The following CSMD2 variants were observed in gnomAD, a reference collection of about 807,000 sequenced individuals.
CSMD2 encodes CUB and sushi domain-containing protein 2.
A neutral mutation model predicts 398.5 loss-of-function variants in CSMD2; 130 were observed. The observed-to-expected ratio is 0.33, with a 90% CI of 0.28 to 0.38. The LOEUF (loss-of-function observed/expected upper bound fraction) is 0.38. CSMD2 is among the 10% of genes least tolerant of loss of function. CSMD2 has a pLI of 1.00. For missense variants in CSMD2, 3,829 were observed against 4,764.9 expected (o/e 0.80, Z 5.78); for synonymous variants, 1,828 against 1,908.5 (o/e 0.96, Z 1.10).
At chr1:34,128,030 T>C (rs1662923192) in intron 1 of CSMD2, among the ~76,000 whole-genome samples, 1 of 152,114 alleles carries the variant, frequency 6.6e-6, no homozygotes, top group East Asian at 1.9e-4. Flanking sequence ...CAGTTCTTGA[T>C]TTCTTCCTTG....
chr1:33,671,649 G>C (rs565406358), intron 25 of CSMD2, among the ~76,000 whole-genome samples: 1 of 152,060 alleles, frequency 6.6e-6, no homozygotes, highest in African/African-American at 2.4e-5. Flanking sequence ...CCTCACTCCC[G>C]TACCTCTTCC....
chr1:33,947,181 C>T (rs1570594452), intron 3 of CSMD2, among the ~76,000 whole-genome samples: 1 of 152,190 alleles, frequency 6.6e-6, no homozygotes, highest in East Asian at 1.9e-4. Flanking sequence ...ATTGGTGAGG[C>T]TGCACACCTG....
intron 42 of CSMD2, 39 bp from the exon 43 acceptor site, chr1:33,602,585 G>T: frequency 1.3e-6 from 2 of 1,488,752 alleles, no homozygotes; most frequent in South Asian, 1.4e-5. Flanking sequence ...GCAGGGCCTC[G>T]GTACCCACCT....
intron 32 of CSMD2, among the ~76,000 whole-genome samples, chr1:33,631,112 A>T (rs1428309297): frequency 6.6e-6 from 1 of 152,102 alleles, no homozygotes; most frequent in Non-Finnish European, 1.5e-5. Flanking sequence ...TTGCAGCAAT[A>T]AAAATTAAAA....
At chr1:33,950,024 C>G (rs1444858982) in intron 3 of CSMD2, among the ~76,000 whole-genome samples, 1 of 152,144 alleles carries the variant, frequency 6.6e-6, no homozygotes, top group Non-Finnish European at 1.5e-5. Context: ...AAGCTGAGAC[C>G]TCATCTGGTC....
chr1:34,010,366 G>A (rs7549697), intron 3 of CSMD2, among the ~76,000 whole-genome samples: 23,701 of 152,084 alleles, frequency 0.16, 2,448 homozygotes, highest in East Asian at 0.46. Context: ...TGGATTATAA[G>A]GATAATCCAT....
intron 25 of CSMD2, among the ~76,000 whole-genome samples, chr1:33,671,537 C>A (rs1469158872): frequency 6.6e-6 from 1 of 152,090 alleles, no homozygotes; most frequent in Non-Finnish European, 1.5e-5. Flanking sequence ...GAGATCTCCA[C>A]ATGCCTTTCC....
At chr1:33,555,999 A>G (rs1474544917) in intron 55 of CSMD2, among the ~76,000 whole-genome samples, 2 of 152,132 alleles carry the variant, frequency 1.3e-5, no homozygotes, top group African/African-American at 4.8e-5. Flanking sequence ...GATGGGTTCA[A>G]GACTTCATTG....
chr1:33,989,886 G>A (rs1490986670), intron 3 of CSMD2, among the ~76,000 whole-genome samples: 1 of 152,168 alleles, frequency 6.6e-6, no homozygotes, highest in Non-Finnish European at 1.5e-5. Flanking sequence ...TTTTGGGGGC[G>A]ATGGAGATGT....
intron 3 of CSMD2, among the ~76,000 whole-genome samples, chr1:33,983,457 A>G (rs999850178): frequency 5.3e-5 from 8 of 152,224 alleles, no homozygotes; most frequent in Non-Finnish European, 1.2e-4. Flanking sequence ...CTGGTTATGT[A>G]GAAAGTAATT....
At chr1:33,799,484 ATGGATAG>A (rs1362160798) in intron 10 of CSMD2, among the ~76,000 whole-genome samples, 1 of 152,182 alleles carries the variant, frequency 6.6e-6, no homozygotes, top group Non-Finnish European at 1.5e-5. Flanking sequence ...TGTGAACACC[ATGGATAG>A]TGGGTTACTT....
intron 70 of CSMD2, among the ~76,000 whole-genome samples, chr1:33,517,152 A>T (rs74066623): frequency 0.025 from 3,750 of 151,784 alleles, 141 homozygotes; most frequent in African/African-American, 0.084. Flanking sequence ...GGCATTATTT[A>T]AAAAAAAATT....
chr1:33,788,852 T>A lies in CSMD2; in HGVS notation c.1551-140A>T, dbSNP rs77550035. On this transcript the variant is annotated intron_variant, in intron 11 of 70. Coordinates refer to ENST00000373381, the MANE Select transcript of CSMD2 (RefSeq NM_001281956.2). ...TTCTGGGCCCCACTGTGTTTCTGAC[T>A]CTGGAGCCCAGCAGCATGCTCTCCC... The A allele has an allele frequency of 2.0e-3, 1,209 of 614,882 alleles. 15 individuals are homozygous for A. In the African/African-American group the frequency reaches 0.02, roughly 10 times the overall value. 38.1% of individuals were successfully genotyped at this position (614,882 alleles called of 1,614,324 possible).
At chr1:34,028,273 G>A (rs1366704606) in intron 3 of CSMD2, among the ~76,000 whole-genome samples, 7 of 152,124 alleles carry the variant, frequency 4.6e-5, no homozygotes, top group Admixed American at 3.9e-4. Context: ...CTGAGATCGT[G>A]CCACTGGACT....
At chr1:34,033,198 T>C (rs1436916542) in intron 2 of CSMD2, among the ~76,000 whole-genome samples, 2 of 152,196 alleles carry the variant, frequency 1.3e-5, no homozygotes, top group Non-Finnish European at 2.9e-5. Flanking sequence ...CTATTAGTTT[T>C]TAAAGAAAGC....
At position 33,583,429 on chromosome 1, in the gene CSMD2, G is replaced by A. The variant is rs548983581; in HGVS notation, c.7240+213C>T. On this transcript the variant is annotated intron_variant, in intron 47 of 70. Transcript: ENST00000373381. ...TGGGAGCTAGAGTAAGAAAAGGTTC[G>A]GTAACAGGTTCAAGTTGCAGTACAA... is the stretch of plus-strand genomic sequence containing the variant. Among the ~76,000 whole-genome samples the A allele has an allele frequency of 3.9e-5, 6 of 152,248 alleles. No homozygotes were observed. In the East Asian group the frequency reaches 9.7e-4, roughly 25 times the overall value.
At chr1:33,864,800 T>G (rs1639860664) in intron 5 of CSMD2, 1 of 1,495,892 alleles carries the variant, frequency 6.7e-7, no homozygotes, top group African/African-American at 1.4e-5. Flanking sequence ...TATTTCCTGT[T>G]CCTGGTCTCA....
chr1:33,568,023 C>A (rs1423542633), intron 52 of CSMD2, among the ~76,000 whole-genome samples, 182 bp from the exon 53 acceptor site: 5 of 152,040 alleles, frequency 3.3e-5, no homozygotes, highest in Non-Finnish European at 7.4e-5. Flanking sequence ...CACTTCTGAG[C>A]TTCAGTTTCT....
At chr1:34,053,242 CTT>C (rs1457891057) in intron 2 of CSMD2, among the ~76,000 whole-genome samples, 2 of 152,094 alleles carry the variant, frequency 1.3e-5, no homozygotes, top group Admixed American at 1.3e-4. Flanking sequence ...TATTCATTCT[CTT>C]GATAGGATAA....
Sources: allele counts gnomAD v4.1 joint callset (sites outside exome capture counted in the v4.1 genomes callset), GRCh38; gene constraint gnomAD v4.1.1; transcripts MANE v1.5; gene names NCBI Gene and HGNC (gene_info 2026-07-23, HGNC 2026-07-21).